ESR1: variants seen among roughly 807,000 people sequenced by gnomAD.
ESR1 encodes estrogen receptor.
ESR1 carries 12 observed loss-of-function variants against 52.7 expected under a neutral mutation model. The observed-to-expected ratio is 0.23, with a 90% CI of 0.15 to 0.37. The LOEUF (loss-of-function observed/expected upper bound fraction) is 0.37, where lower values mean the gene tolerates loss of function less well. ESR1 is among the 10% of genes least tolerant of loss of function. The probability of loss-of-function intolerance (pLI) is 1.00; values close to 1 mark genes in which losing one functional copy is unlikely to be tolerated. For missense variants in ESR1, 584 were observed against 779.7 expected, an observed-to-expected ratio of 0.75 and a Z score of 2.99; for synonymous variants, 305 against 316.8, an observed-to-expected ratio of 0.96 and a Z score of 0.39.
chr6:151,668,507 T>C (rs1014462395), intron 1 of ESR1, among the ~76,000 whole-genome samples: 6 of 152,080 alleles, frequency 3.9e-5, no homozygotes, highest in Non-Finnish European at 7.4e-5. Flanking sequence ...ATGGTCTTGA[T>C]CTCCTGACCT....
chr6:151,821,196 C>G (rs543675820), intron 1 of ESR1, among the ~76,000 whole-genome samples: 1 of 152,036 alleles, frequency 6.6e-6, no homozygotes, highest in Non-Finnish European at 1.5e-5. Flanking sequence ...TCCTGTTCAC[C>G]GAGGGCATCA....
intron 3 of ESR1, among the ~76,000 whole-genome samples, chr6:151,932,313 T>C (rs1347800863): frequency 6.8e-6 from 1 of 146,392 alleles, no homozygotes; most frequent in Non-Finnish European, 1.5e-5. Flanking sequence ...TGTTTTTTTC[T>C]TGTAAATTTG....
upstream of ESR1, among the ~76,000 whole-genome samples, chr6:151,803,580 G>A (rs1405942200): frequency 6.6e-6 from 1 of 152,144 alleles, no homozygotes; most frequent in African/African-American, 2.4e-5. Flanking sequence ...GTCATGTCAA[G>A]ATGGATCCTG....
In ESR1 at chr6:152,098,820, C is replaced by T. The variant is rs182943916; in HGVS notation, c.1642C>T (p.Arg548Cys). 23 of 1,614,186 alleles carry T rather than the reference C, an allele frequency of 1.4e-5. No homozygotes were observed. Among genetic ancestry groups the T allele is most frequent in the Admixed American group, 1.3e-4 (8 of 60,028 alleles). Residue 548 changes from arginine to cysteine, a missense_variant, in exon 8 of 8, where the codon CGC (arginine) becomes TGC (cysteine). Transcript: ENST00000206249. The surrounding 1 kb of genome is among the most constrained non-coding windows in gnomAD (Gnocchi z 5.1). ...DLLLEMLDAH[R>C]LHAPTSRGGA... ...GCTGCTGGAGATGCTGGACGCCCAC[C>T]GCCTACATGCGCCCACTAGCCGTGG...
At position 152,044,533 on chromosome 6, in the gene ESR1, C is replaced by T. The variant is rs564817489; in HGVS notation, c.1236-16458C>T. 8.3e-4 allele frequency among the ~76,000 whole-genome samples: 127 copies of T among 152,314 alleles called. 1 individual carries two copies. The highest frequency in any genetic ancestry group is 3.0e-3 in the African/African-American group (123 of 41,572). On this transcript the variant is annotated intron_variant, in intron 5 of 7. Coordinates refer to ENST00000206249, the MANE Select transcript of ESR1 (RefSeq NM_000125.4). ...AAGCTGAGGAGCAAGGAAGCCAGTCCAAGTCCCAAAACCTCAAAACTAGGG... is the reference window on the plus strand; with the variant it reads ...AAGCTGAGGAGCAAGGAAGCCAGTCTAAGTCCCAAAACCTCAAAACTAGGG...
chr6:152,065,317 A>G (rs10155719), intron 6 of ESR1, among the ~76,000 whole-genome samples: 57 of 152,280 alleles, frequency 3.7e-4, no homozygotes, highest in African/African-American at 1.3e-3. Flanking sequence ...TCTATGGTGA[A>G]TTGCTGTGGA....
chr6:151,696,870 T>C (rs1779389608), intron 1 of ESR1, among the ~76,000 whole-genome samples: 1 of 152,100 alleles, frequency 6.6e-6, no homozygotes, highest in African/African-American at 2.4e-5. Context: ...GGGATAGCTT[T>C]GGGTAGGAAG....
intron 2 of ESR1, among the ~76,000 whole-genome samples, chr6:151,724,654 T>TA: frequency 6.6e-6 from 1 of 152,238 alleles, no homozygotes; most frequent in East Asian, 1.9e-4. Flanking sequence ...GAACATCTTG[T>TA]ATCTCTTTTG....
chr6:152,113,143 A>AC (rs34133739), intron 6 of ESR1: 81,740 of 152,022 alleles, frequency 0.54, 22,211 homozygotes, highest in East Asian at 0.57. Flanking sequence ...AGGTCAGCAA[A>AC]TTTTTCTGTA....
chr6:152,039,019 A>G (rs181038020), intron 5 of ESR1, among the ~76,000 whole-genome samples: 1 of 152,230 alleles, frequency 6.6e-6, no homozygotes, highest in African/African-American at 2.4e-5. Context: ...AAGTGTATAC[A>G]GGCAGAAAGA....
chr6:152,002,183 CAA>C (rs1169734015), intron 4 of ESR1, among the ~76,000 whole-genome samples: 9 of 115,728 alleles, frequency 7.8e-5, no homozygotes, highest in Non-Finnish European at 1.5e-4. Flanking sequence ...GATTTTAAAT[CAA>C]GTGTGTGTGT....
chr6:151,743,062 G>A (rs1012552984), intron 2 of ESR1, among the ~76,000 whole-genome samples: 11 of 152,152 alleles, frequency 7.2e-5, no homozygotes, highest in African/African-American at 1.2e-4. Flanking sequence ...AGATCTGGAC[G>A]TCGGTCCAAA....
chr6:151,773,929 C>T (rs1785732908), intron 2 of ESR1, among the ~76,000 whole-genome samples: 2 of 152,178 alleles, frequency 1.3e-5, no homozygotes, highest in African/African-American at 4.8e-5. Flanking sequence ...CGGTGGCTTT[C>T]AACGAAATAA....
Position 152,103,025 on chromosome 6 carries a change from C to G in ESR1, c.*4059C>G, listed in dbSNP as rs1314020520. 1.8e-5 allele frequency: 4 copies of G among 222,392 alleles called. No individual in the cohort carries two copies. In the East Asian group the frequency reaches 2.0e-4, roughly 11 times the overall value. 13.8% of individuals were successfully genotyped at this position (222,392 alleles called of 1,614,324 possible). On this transcript the variant is annotated 3_prime_UTR_variant, in exon 8 of 8. Coordinates refer to ENST00000206249, the MANE Select transcript of ESR1 (RefSeq NM_000125.4). ...AACAATGCTTTTTGTGCACTACATA[C>G]TCTTCAGTGTAGAGCTCTTGTTTTA... is the stretch of plus-strand genomic sequence containing the variant.
intron 6 of ESR1, among the ~76,000 whole-genome samples, chr6:152,071,326 A>T (rs551548816): frequency 6.6e-6 from 1 of 152,372 alleles, no homozygotes; most frequent in African/African-American, 2.4e-5. Flanking sequence ...TAAATTAAGG[A>T]AATATAAAAC....
chr6:151,808,497 GC>G, intron 1 of ESR1, 133 bp downstream of exon 1: 2 of 735,854 alleles, frequency 2.7e-6, no homozygotes, highest in Non-Finnish European at 3.9e-6. Context: ...CGCGCAGGGA[GC>G]CCGGGGCGCG....
intron 2 of ESR1, among the ~76,000 whole-genome samples, chr6:151,799,084 A>G (rs1365744464): frequency 6.6e-6 from 1 of 152,212 alleles, no homozygotes; most frequent in African/African-American, 2.4e-5. Flanking sequence ...TTAAGCCACC[A>G]ATTAGTCCCT....
intron 2 of ESR1, among the ~76,000 whole-genome samples, chr6:151,774,221 C>A (rs1444274192): frequency 6.6e-6 from 1 of 152,246 alleles, no homozygotes; most frequent in Non-Finnish European, 1.5e-5. Context: ...GGGAATGCCA[C>A]TCAATCTCAC....
chr6:151,722,096 T>C (rs746752329), intron 2 of ESR1, among the ~76,000 whole-genome samples: 2 of 151,996 alleles, frequency 1.3e-5, no homozygotes, highest in African/African-American at 2.4e-5. Flanking sequence ...CCTTGGAAAA[T>C]TGTTGGGAAT....
Sources: gnomAD v4.1 joint callset for allele counts (sites outside exome capture counted in the v4.1 genomes callset) on GRCh38, gnomAD v4.1.1 for gene constraint, Gnocchi (gnomAD v3.1) non-coding constraint, MANE v1.5 for transcripts, NCBI Gene and HGNC (gene_info 2026-07-23, HGNC 2026-07-21) for gene names.